TNMD: variants seen among roughly 807,000 people sequenced by gnomAD.
TNMD encodes tenomodulin.
In TNMD, 15 loss-of-function variants were observed where a neutral mutation model predicts 26.9. The observed-to-expected ratio is 0.56, with a 90% CI of 0.37 to 0.86. TNMD has a LOEUF of 0.86. Among genes scored for constraint, TNMD ranks in the 40% least tolerant of loss-of-function variants. TNMD has a pLI of 0.00. For synonymous variants in TNMD, 73 were observed against 77.0 expected (o/e 0.95, Z 0.27); for missense variants, 222 against 242.6 (o/e 0.92, Z 0.56).
rs745981799 is a variant in TNMD at position 100,585,335 on chromosome X, G to T, written c.153G>T (p.Lys51Asn). The change falls in exon 2 of 7, where the codon AAG becomes AAT. Residue 51 changes from lysine to asparagine, a missense_variant. By Grantham distance (94) the Lys-to-Asn change is moderately conservative. Transcript: ENST00000373031. The part of the protein sequence containing the change: ...LTLIVLFWGS[K>N]HFWPEVPKKA... ...TAATTGTCCTGTTTTGGGGGAGCAA[G>T]CACTTCTGGCCGGAGGTACCCAAAA... 2 of 1,210,853 alleles carry T rather than the reference G, an allele frequency of 1.7e-6. No individual in the cohort carries two copies. Among genetic ancestry groups the T allele is most frequent in the Non-Finnish European group, 2.2e-6 (2 of 895,061 alleles).
chrX:100,594,543 C>T (rs1358425084), intron 4 of TNMD, among the ~76,000 whole-genome samples, 181 bp downstream of exon 4: 1 of 111,680 alleles, frequency 9.0e-6, no homozygotes, highest in Non-Finnish European at 1.9e-5. Context: ...AAGTGACTTG[C>T]TCAAGGCCAC....
intron 4 of TNMD, among the ~76,000 whole-genome samples, chrX:100,596,500 G>A (rs976970134): frequency 2.7e-5 from 3 of 110,678 alleles, no homozygotes; most frequent in African/African-American, 6.6e-5. Flanking sequence ...TTATATTCAC[G>A]CCACAGATTT....
chrX:100,596,963 A>C (rs55808733), intron 4 of TNMD, among the ~76,000 whole-genome samples: 42,387 of 110,655 alleles, frequency 0.38, 5,961 homozygotes, highest in East Asian at 0.68. Flanking sequence ...CATAAAAGGA[A>C]ATCTTTTGTA....
chrX:100,599,823 TC>T lies in TNMD; in HGVS notation c.*108del. The T allele has an allele frequency of 2.9e-6, 2 of 695,774 alleles. No individual in the cohort carries two copies. The highest frequency in any genetic ancestry group is 4.3e-6 in the Non-Finnish European group (2 of 464,290). 57.3% of individuals were successfully genotyped at this position (695,774 alleles called of 1,213,427 possible). A position where few individuals can be genotyped will look rare whatever the true frequency, so the allele number is the denominator to read the frequency against. On this transcript the variant is annotated 3_prime_UTR_variant, in exon 7 of 7. Coordinates refer to ENST00000373031, the MANE Select transcript of TNMD (RefSeq NM_022144.3). ...GCATCTGGCCCCTGGTAGCCAGCTCTCCAGAATTACTTGTAGGTAATTCCTC... is the reference window on the plus strand; with the variant it reads ...GCATCTGGCCCCTGGTAGCCAGCTCTCAGAATTACTTGTAGGTAATTCCTC...
intron 2 of TNMD, among the ~76,000 whole-genome samples, chrX:100,589,606 G>A (rs189008139): frequency 1.8e-5 from 2 of 111,123 alleles, no homozygotes; most frequent in East Asian, 5.7e-4. Flanking sequence ...AAGAGCCTGG[G>A]CCTTCAAAGA....
At chrX:100,599,482 C>T in intron 6 of TNMD, 26 bp from the exon 7 acceptor site, 1 of 1,173,338 alleles carries the variant, frequency 8.5e-7, no homozygotes, top group Non-Finnish European at 1.2e-6. Context: ...TCTCCCACCC[C>T]CAACACTGGC....
intron 2 of TNMD, among the ~76,000 whole-genome samples, chrX:100,586,961 G>A (rs916379597): frequency 8.9e-6 from 1 of 112,035 alleles, no homozygotes; most frequent in Non-Finnish European, 1.9e-5. Context: ...GAGTTAAAGG[G>A]CCATAAATCC....
chrX:100,597,417 T>C (rs1251676416), intron 4 of TNMD, 87 bp from the exon 5 acceptor site: 20 of 1,056,088 alleles, frequency 1.9e-5, no homozygotes, highest in Non-Finnish European at 2.6e-5. Context: ...ACACTCAAAA[T>C]ATATTGCTTT....
At chrX:100,595,449 C>CTCTTTCTTTCTTTCTT (rs3086928) in intron 4 of TNMD, among the ~76,000 whole-genome samples, 4 of 106,004 alleles carry the variant, frequency 3.8e-5, no homozygotes, top group African/African-American at 1.4e-4. Flanking sequence ...CTATAAAAAC[C>CTCTTTCTTTCTTTCTT]TCTTTCTTTC....
chrX:100,598,932 A>G, intron 5 of TNMD, 84 bp from the exon 6 acceptor site: 1 of 810,654 alleles, frequency 1.2e-6, no homozygotes, highest in Non-Finnish European at 1.7e-6. Context: ...GAAAATCTCT[A>G]TCCCCAGCTG....
In TNMD at chrX:100,586,440, A is replaced by T. The variant is rs1261632064; in HGVS notation, c.180+1078A>T. On this transcript the variant is annotated intron_variant, in intron 2 of 6. Transcript: ENST00000373031. Reference sequence around the variant, plus strand: ...GAGCAATAGGAGCAGAGAGAAAAAAATATGGGTCAGTGGGGAGAGAGAGGC... The same window carrying T: ...GAGCAATAGGAGCAGAGAGAAAAAATTATGGGTCAGTGGGGAGAGAGAGGC... Among the ~76,000 whole-genome samples, 3 of 111,673 alleles carry T rather than the reference A, an allele frequency of 2.7e-5. No homozygotes were observed. In the Admixed American group the frequency reaches 2.9e-4, roughly 11 times the overall value.
At chrX:100,599,245 AC>A in intron 6 of TNMD, 63 bp downstream of exon 6, 3 of 931,676 alleles carry the variant, frequency 3.2e-6, no homozygotes, top group Non-Finnish European at 4.4e-6. Flanking sequence ...AAAACTTACT[AC>A]CCCTCAGATC....
intron 5 of TNMD, among the ~76,000 whole-genome samples, chrX:100,598,742 C>A (rs1166804394): frequency 8.9e-6 from 1 of 112,124 alleles, no homozygotes; most frequent in African/African-American, 3.2e-5. Context: ...AGTCCCTTGT[C>A]CTCAGTTTTT....
rs147387859 is a variant in TNMD, at chrX:100,599,636, C to T, written c.873C>T (p.Tyr291=). The part of the protein sequence containing the change: ...EPLLGYYPYP[Y]CYQGGRVICR... Reference sequence around the variant, plus strand: ...TACTAGGCTACTACCCATATCCATACTGCTACCAAGGAGGACGAGTCATCT... The same window carrying T: ...TACTAGGCTACTACCCATATCCATATTGCTACCAAGGAGGACGAGTCATCT... Residue 291 remains tyrosine, a synonymous_variant, in exon 7 of 7, where the codon TAC becomes TAT. Coordinates refer to ENST00000373031, the MANE Select transcript of TNMD (RefSeq NM_022144.3). 1.3e-5 allele frequency: 16 copies of T among 1,210,074 alleles called. No homozygotes were observed. The highest frequency in any genetic ancestry group is 1.7e-5 in the Non-Finnish European group (15 of 895,293).
chrX:100,585,162 G>A, intron 1 of TNMD, 69 bp from the exon 2 acceptor site: 2 of 1,174,627 alleles, frequency 1.7e-6, no homozygotes, highest in East Asian at 3.0e-5. Flanking sequence ...AATCAAAGGT[G>A]ACTTTGAATT....
Position 100,599,135 on chromosome X carries a change from C to T in TNMD, c.697C>T (p.Arg233Cys), listed in dbSNP as rs1466977319. Residue 233 changes from arginine to cysteine, a missense_variant, in exon 6 of 7, where the codon CGT (arginine) becomes TGT (cysteine). Coordinates refer to ENST00000373031, the MANE Select transcript of TNMD (RefSeq NM_022144.3). ...CCCTCAAGTGAAAGTAGAGAAGACC[C>T]GTCACGCCAGACAAGCAAGTGAGGA... ...VVPQVKVEKT[R>C]HARQASEEEL... The T allele has an allele frequency of 8.3e-7, 1 of 1,201,272 alleles. No individual in the cohort carries two copies. Among genetic ancestry groups the T allele is most frequent in the Non-Finnish European group, 1.1e-6 (1 of 891,100 alleles).
chrX:100,585,490 G>A, intron 2 of TNMD, 128 bp downstream of exon 2: 1 of 779,004 alleles, frequency 1.3e-6, no homozygotes, highest in Non-Finnish European at 1.7e-6. Context: ...CTGGTGGTAT[G>A]AAAAACTGAA....
intron 5 of TNMD, among the ~76,000 whole-genome samples, chrX:100,598,740 G>A (rs1255483270): frequency 8.9e-6 from 1 of 112,365 alleles, no homozygotes; most frequent in Non-Finnish European, 1.9e-5. Context: ...GAAGTCCCTT[G>A]TCCTCAGTTT....
intron 5 of TNMD, 86 bp downstream of exon 5, chrX:100,597,743 G>T: frequency 1.0e-6 from 1 of 984,813 alleles, no homozygotes; most frequent in Non-Finnish European, 1.4e-6. Context: ...TACATTTCTA[G>T]GAAAACAAAT....
Sources: allele counts gnomAD v4.1 joint callset (sites outside exome capture counted in the v4.1 genomes callset), GRCh38; gene constraint gnomAD v4.1.1; transcripts MANE v1.5; gene names NCBI Gene and HGNC (gene_info 2026-07-23, HGNC 2026-07-21).